CYB5B: variants seen among roughly 807,000 people sequenced by gnomAD.
The protein encoded by CYB5B is cytochrome b5 type B.
In CYB5B, 14 loss-of-function variants were observed where a neutral mutation model predicts 21.3. The ratio of observed to expected loss-of-function variants is 0.66; its 90% CI spans 0.43 to 1.03. CYB5B has a LOEUF of 1.03. Among genes scored for constraint, CYB5B ranks in the 50% least tolerant of loss-of-function variants. CYB5B has a pLI of 0.00. For synonymous variants in CYB5B, 69 were observed against 68.4 expected (o/e 1.01, Z -0.04); for missense variants, 166 against 185.1 (o/e 0.90, Z 0.60).
intron 1 of CYB5B, among the ~76,000 whole-genome samples, chr16:69,431,119 C>A (rs1278271629): frequency 1.3e-5 from 2 of 152,054 alleles, no homozygotes; most frequent in Non-Finnish European, 2.9e-5. Context: ...CTGCCTCAGC[C>A]TCTGGAGTAG....
intron 3 of CYB5B, among the ~76,000 whole-genome samples, chr16:69,452,678 T>A (rs75553671): frequency 0.15 from 22,090 of 148,510 alleles, 2,086 homozygotes; most frequent in African/African-American, 0.28. Context: ...TCAAAAAAAA[T>A]TTTTTTTTTA....
At position 69,462,494 on chromosome 16, in the gene CYB5B, TA is replaced by T; in HGVS notation, c.428del (p.Tyr143SerfsTer60). The T allele has an allele frequency of 1.2e-6, 2 of 1,614,178 alleles. No homozygotes were observed. Among genetic ancestry groups the T allele is most frequent in the Admixed American group, 3.3e-5 (2 of 60,026 alleles). On this transcript the variant is annotated frameshift_variant, in exon 5 of 5. Transcript: ENST00000307892. LOFTEE classifies it high-confidence loss of function. ...TCTCTTAGGTTTCCTGTACCGCTACTACACATCGGAAAGCAAATCCTCCTGA... is the reference window on the plus strand; with the variant it reads ...TCTCTTAGGTTTCCTGTACCGCTACTCACATCGGAAAGCAAATCCTCCTGA... ...AVLLGFLYRY[Y>X]TSESKSS
intron 1 of CYB5B, among the ~76,000 whole-genome samples, chr16:69,442,765 T>C (rs2142817046): frequency 6.6e-6 from 1 of 151,756 alleles, no homozygotes. Flanking sequence ...CAAGCAATCT[T>C]CCTGCCTTGG....
chr16:69,448,095 T>G lies in CYB5B; in HGVS notation c.304-20T>G. ...TTTGGCTATGTCTTAAAATATTATT[T>G]GTTTTCCTTTTTTTGACAGAGTGAC... On this transcript the variant is annotated intron_variant, in intron 2 of 4. Coordinates refer to ENST00000307892, the MANE Select transcript of CYB5B (RefSeq NM_030579.3). The G allele has an allele frequency of 6.2e-7, 1 of 1,608,250 alleles. No homozygotes were observed. The highest frequency in any genetic ancestry group is 8.5e-7 in the Non-Finnish European group (1 of 1,178,508).
At chr16:69,424,878 G>A in intron 1 of CYB5B, 21 bp downstream of exon 1, 1 of 1,536,724 alleles carries the variant, frequency 6.5e-7, no homozygotes, top group African/African-American at 1.4e-5. Context: ...GGAGGTGGGA[G>A]GCCTCTGAAG....
chr16:69,458,721 T>G (rs1412173400), intron 3 of CYB5B, among the ~76,000 whole-genome samples: 1 of 152,172 alleles, frequency 6.6e-6, no homozygotes, highest in East Asian at 1.9e-4. Flanking sequence ...TTTTAGAAAG[T>G]GTGATGTTAG....
intron 1 of CYB5B, among the ~76,000 whole-genome samples, chr16:69,429,146 G>A (rs1488079772): frequency 1.3e-5 from 2 of 152,062 alleles, no homozygotes; most frequent in Non-Finnish European, 2.9e-5. Flanking sequence ...GTGGGTTTTT[G>A]GTCTCTCTGA....
intron 3 of CYB5B, among the ~76,000 whole-genome samples, chr16:69,451,930 G>A (rs1428115173): frequency 3.6e-5 from 5 of 137,930 alleles, no homozygotes; most frequent in Admixed American, 1.5e-4. Flanking sequence ...GCGACAAAGC[G>A]AGACGCCGTC....
intron 1 of CYB5B, among the ~76,000 whole-genome samples, chr16:69,441,155 T>C (rs78377848): frequency 6.1e-4 from 63 of 103,190 alleles, no homozygotes; most frequent in African/African-American, 8.1e-4. Flanking sequence ...ACTTCTCTCT[T>C]TTTTTTTTTT....
intron 3 of CYB5B, among the ~76,000 whole-genome samples, chr16:69,457,931 G>A (rs973016228): frequency 3.9e-5 from 6 of 152,196 alleles, no homozygotes; most frequent in African/African-American, 1.4e-4. Flanking sequence ...TATTGAAAAC[G>A]GTGGTTAAGC....
chr16:69,440,992 G>A (rs1202283434), intron 1 of CYB5B, among the ~76,000 whole-genome samples: 1 of 151,878 alleles, frequency 6.6e-6, no homozygotes, highest in Non-Finnish European at 1.5e-5. Flanking sequence ...TTTTTATTGA[G>A]ATAATTGTAG....
At chr16:69,462,052 G>T (rs909068177) in intron 4 of CYB5B, among the ~76,000 whole-genome samples, 2 of 152,070 alleles carry the variant, frequency 1.3e-5, no homozygotes, top group Non-Finnish European at 2.9e-5. Context: ...ATACATAATG[G>T]TGTTTTTTCC....
chr16:69,438,963 C>T (rs2014791697), intron 1 of CYB5B, among the ~76,000 whole-genome samples: 1 of 151,856 alleles, frequency 6.6e-6, no homozygotes, highest in Non-Finnish European at 1.5e-5. Context: ...TGATGGAGTC[C>T]AATTTATCTG....
intron 1 of CYB5B, among the ~76,000 whole-genome samples, chr16:69,435,531 G>T (rs1277149193): frequency 1.3e-5 from 2 of 152,198 alleles, no homozygotes; most frequent in African/African-American, 4.8e-5. Context: ...TTTCTTGAAA[G>T]CTTTGGCATT....
intron 3 of CYB5B, among the ~76,000 whole-genome samples, chr16:69,457,593 C>T (rs552112293): frequency 3.6e-4 from 55 of 152,058 alleles, no homozygotes; most frequent in Admixed American, 1.0e-3. Flanking sequence ...TCCTACCTTC[C>T]GAATCTGTAG....
At chr16:69,428,303 G>A (rs531602866) in intron 1 of CYB5B, among the ~76,000 whole-genome samples, 53 of 152,248 alleles carry the variant, frequency 3.5e-4, no homozygotes, top group Non-Finnish European at 5.1e-4. Context: ...GGAGGCAGAC[G>A]ATAAGCAGAG....
chr16:69,439,101 G>A lies in CYB5B; in HGVS notation c.175-8049G>A, dbSNP rs190086929. ...TGATTTTAGCTTTTATATTTAGGTT[G>A]TTGATATTTTATATTAGGTTGTTGA... is the stretch of plus-strand genomic sequence containing the variant. On this transcript the variant is annotated intron_variant, in intron 1 of 4. Coordinates refer to ENST00000307892, the MANE Select transcript of CYB5B (RefSeq NM_030579.3). Among the ~76,000 whole-genome samples the A allele has an allele frequency of 3.0e-3, 458 of 152,180 alleles. 1 individual carries two copies. Among genetic ancestry groups the A allele is most frequent in the African/African-American group, 0.011 (438 of 41,536 alleles).
At chr16:69,433,672 A>C (rs1227913179) in intron 1 of CYB5B, among the ~76,000 whole-genome samples, 61 of 152,216 alleles carry the variant, frequency 4.0e-4, no homozygotes, top group Non-Finnish European at 1.6e-4. Context: ...AATCAAATGT[A>C]GGGACAATAA....
At chr16:69,436,305 T>C (rs769958599) in intron 1 of CYB5B, among the ~76,000 whole-genome samples, 13 of 152,202 alleles carry the variant, frequency 8.5e-5, no homozygotes, top group Non-Finnish European at 1.8e-4. Flanking sequence ...TTGTGATACA[T>C]AAATATCATG....
Sources: allele counts gnomAD v4.1 joint callset (sites outside exome capture counted in the v4.1 genomes callset), GRCh38; gene constraint gnomAD v4.1.1; transcripts MANE v1.5; gene names NCBI Gene and HGNC (gene_info 2026-07-23, HGNC 2026-07-21).